The following SYT1 variants were observed in gnomAD, a reference collection of about 807,000 sequenced individuals.
SYT1 encodes synaptotagmin 1.
SYT1 carries 8 observed loss-of-function variants against 44.8 expected under a neutral mutation model. That is an observed-to-expected ratio of 0.18 (90% CI 0.10 to 0.32). The LOEUF (loss-of-function observed/expected upper bound fraction) is 0.32. SYT1 is among the 10% of genes least tolerant of loss of function. The pLI is 1.00. For missense variants in SYT1, 286 were observed against 509.3 expected (o/e 0.56, Z 4.22); for synonymous variants, 154 against 188.8 (o/e 0.82, Z 1.51).
chr12:79,328,456 T>C lies in SYT1; in HGVS notation c.811-25046T>C, dbSNP rs1184017250. Reference sequence around the variant, plus strand: ...ACTTGTTTTAATGTTTTATATGCAGTATTTAATGTTCTCCTAAATAGTACC... The same window carrying C: ...ACTTGTTTTAATGTTTTATATGCAGCATTTAATGTTCTCCTAAATAGTACC... On this transcript the variant is annotated intron_variant, in intron 8 of 10. Transcript: ENST00000261205. Among the ~76,000 whole-genome samples the C allele has an allele frequency of 2.0e-5, 3 of 152,226 alleles. No individual in the cohort carries two copies. The East Asian group carries it at 5.8e-4, about 29-fold the overall frequency.
intron 8 of SYT1, among the ~76,000 whole-genome samples, chr12:79,334,301 A>G (rs1881989504): frequency 6.6e-6 from 1 of 152,150 alleles, no homozygotes. Context: ...CATATGGTGC[A>G]CACTGTTAGG....
chr12:79,404,630 AC>A (rs1485218732), intron 9 of SYT1, among the ~76,000 whole-genome samples: 1 of 152,182 alleles, frequency 6.6e-6, no homozygotes, highest in Admixed American at 6.6e-5. Context: ...GGTAAAGCCT[AC>A]ATCCAGGAAG....
intron 9 of SYT1, among the ~76,000 whole-genome samples, chr12:79,436,569 A>T (rs944706553): frequency 6.6e-6 from 1 of 152,372 alleles, no homozygotes; most frequent in Admixed American, 6.5e-5. Context: ...TCTCATTGTA[A>T]ATACAAAAAG....
intron 4 of SYT1, among the ~76,000 whole-genome samples, chr12:79,278,576 T>C (rs1168578873): frequency 6.6e-6 from 1 of 151,908 alleles, no homozygotes; most frequent in Admixed American, 6.6e-5. Context: ...AACATCACAA[T>C]TGACAAGCTA....
intron 1 of SYT1, among the ~76,000 whole-genome samples, chr12:78,935,422 T>C (rs17046062): frequency 0.093 from 14,109 of 152,156 alleles, 953 homozygotes; most frequent in East Asian, 0.3. Context: ...GCAAACGACA[T>C]TTTACTGCTT....
chr12:79,011,623 G>C (rs982457464), intron 2 of SYT1, among the ~76,000 whole-genome samples: 8 of 144,616 alleles, frequency 5.5e-5, no homozygotes, highest in African/African-American at 2.1e-4. Context: ...AACAATAGCT[G>C]CCAATTTTGC....
intron 3 of SYT1, among the ~76,000 whole-genome samples, chr12:79,100,448 C>T (rs1003271878): frequency 8.0e-5 from 12 of 150,550 alleles, no homozygotes; most frequent in African/African-American, 2.7e-4. Context: ...ACAAGAGGAA[C>T]CAAGGTAAGG....
At chr12:79,001,258 T>G (rs934446925) in intron 2 of SYT1, among the ~76,000 whole-genome samples, 3 of 145,024 alleles carry the variant, frequency 2.1e-5, no homozygotes, top group Non-Finnish European at 3.0e-5. Context: ...GTTCATTTCT[T>G]TTAAAAAAAA....
chr12:79,058,178 A>G (rs1039374756), intron 3 of SYT1, among the ~76,000 whole-genome samples: 3 of 152,066 alleles, frequency 2.0e-5, no homozygotes, highest in African/African-American at 7.2e-5. Flanking sequence ...AATGAGTTAT[A>G]TAACAAAATT....
chr12:79,180,557 T>A (rs1306887822), intron 3 of SYT1, among the ~76,000 whole-genome samples: 2 of 152,012 alleles, frequency 1.3e-5, no homozygotes, highest in Non-Finnish European at 2.9e-5. Flanking sequence ...GGCATCTTCT[T>A]AGCTTCTGAG....
intron 5 of SYT1, among the ~76,000 whole-genome samples, chr12:79,287,313 C>A (rs1879360013): frequency 6.6e-6 from 1 of 152,070 alleles, no homozygotes; most frequent in Non-Finnish European, 1.5e-5. Flanking sequence ...GTCACAAAAG[C>A]CAATGCATAA....
intron 2 of SYT1, among the ~76,000 whole-genome samples, chr12:78,987,686 A>T (rs954843837): frequency 1.3e-5 from 2 of 151,896 alleles, no homozygotes; most frequent in African/African-American, 2.4e-5. Context: ...AGGGATATAT[A>T]AAAAAACCCT....
intron 1 of SYT1, among the ~76,000 whole-genome samples, chr12:78,925,097 CCTAT>C (rs1326122623): frequency 1.3e-5 from 2 of 151,670 alleles, no homozygotes; most frequent in Non-Finnish European, 2.9e-5. Context: ...TATTTTTATG[CCTAT>C]CTATGTATCT....
At chr12:79,417,732 C>A (rs1868836792) in intron 9 of SYT1, among the ~76,000 whole-genome samples, 1 of 152,116 alleles carries the variant, frequency 6.6e-6, no homozygotes. Context: ...TATGCATTCA[C>A]ACAGGGGAGG....
chr12:78,880,726 A>G (rs1874409271), intron 1 of SYT1, among the ~76,000 whole-genome samples: 1 of 151,470 alleles, frequency 6.6e-6, no homozygotes. Context: ...AAGTGCATGT[A>G]GGAAATTTTC....
chr12:79,299,254 A>G (rs1298983430), intron 7 of SYT1, 130 bp from the exon 8 acceptor site: 14 of 1,047,568 alleles, frequency 1.3e-5, no homozygotes, highest in Non-Finnish European at 1.4e-6. Context: ...AATTTAAAAA[A>G]TAACCAAAAA....
intron 2 of SYT1, chr12:79,046,195 A>C (rs1203180623): frequency 6.6e-6 from 1 of 152,220 alleles, no homozygotes; most frequent in East Asian, 1.9e-4. Context: ...ACTGTTGAGC[A>C]GATGCAGTAA....
chr12:78,883,281 A>G (rs1263407174), intron 1 of SYT1, among the ~76,000 whole-genome samples: 1 of 151,656 alleles, frequency 6.6e-6, no homozygotes, highest in Non-Finnish European at 1.5e-5. Flanking sequence ...CCCAGTACCG[A>G]CCTAGCAATA....
intron 2 of SYT1, among the ~76,000 whole-genome samples, chr12:79,034,364 A>G (rs1186692472): frequency 6.6e-6 from 1 of 151,618 alleles, no homozygotes; most frequent in African/African-American, 2.4e-5. Flanking sequence ...ACTTACATTA[A>G]TATGAAGGTA....
Sources: allele counts gnomAD v4.1 joint callset (sites outside exome capture counted in the v4.1 genomes callset), GRCh38; gene constraint gnomAD v4.1.1; transcripts MANE v1.5; gene names NCBI Gene and HGNC (gene_info 2026-07-23, HGNC 2026-07-21).